Variants in GRIP1 observed in about 807,000 individuals in gnomAD.
GRIP1 encodes the protein glutamate receptor interacting protein 1, also known as glutamate receptor-interacting protein 1.
GRIP1 carries 45 observed loss-of-function variants against 129.9 expected under a neutral mutation model. The observed-to-expected ratio is 0.35, with a 90% CI of 0.27 to 0.44. The LOEUF (loss-of-function observed/expected upper bound fraction) is 0.44. Among genes scored for constraint, GRIP1 ranks in the 20% least tolerant of loss-of-function variants. GRIP1 has a pLI of 1.00. For synonymous variants in GRIP1, 530 were observed against 520.8 expected, an observed-to-expected ratio of 1.02 and a Z score of -0.24; for missense variants, 1,196 against 1,396.8, an observed-to-expected ratio of 0.86 and a Z score of 2.29.
chr12:66,546,375 A>C (rs1024667246), intron 2 of GRIP1, among the ~76,000 whole-genome samples: 1 of 151,762 alleles, frequency 6.6e-6, no homozygotes, highest in African/African-American at 2.4e-5. Context: ...CTGTAGTCCC[A>C]GCTACTCAGG....
intron 2 of GRIP1, among the ~76,000 whole-genome samples, chr12:66,542,241 CA>C (rs1374398710): frequency 6.6e-6 from 1 of 152,134 alleles, no homozygotes; most frequent in Non-Finnish European, 1.5e-5. Flanking sequence ...CTGCCATTCT[CA>C]GGTGACATTC....
intron 7 of GRIP1, among the ~76,000 whole-genome samples, chr12:66,506,602 G>C (rs2138831510): frequency 6.6e-6 from 1 of 152,246 alleles, no homozygotes. Flanking sequence ...CCTCGATGGA[G>C]AACACATAAA....
intron 1 of GRIP1, among the ~76,000 whole-genome samples, chr12:67,019,948 C>T (rs768197392): frequency 6.6e-6 from 1 of 152,120 alleles, no homozygotes. Flanking sequence ...AAGAAACAAA[C>T]ATTAACAACC....
upstream of GRIP1, chr12:67,069,177 C>T: frequency 3.3e-6 from 3 of 908,378 alleles, no homozygotes; most frequent in Non-Finnish European, 1.3e-6. Flanking sequence ...GGGCTCTCCG[C>T]GCCTCCTCGC....
chr12:66,473,604 C>G (rs963053447), intron 7 of GRIP1, among the ~76,000 whole-genome samples: 1 of 152,184 alleles, frequency 6.6e-6, no homozygotes, highest in Non-Finnish European at 1.5e-5. Flanking sequence ...CGGGTGGGTG[C>G]CCCTCTGGGA....
chr12:66,390,788 C>T (rs2056554207), intron 19 of GRIP1, among the ~76,000 whole-genome samples: 2 of 152,210 alleles, frequency 1.3e-5, no homozygotes, highest in Non-Finnish European at 2.9e-5. Context: ...AATGTGACTT[C>T]TGTCCTTTAC....
chr12:66,949,754 C>A (rs1221321425), intron 1 of GRIP1, among the ~76,000 whole-genome samples: 1 of 145,710 alleles, frequency 6.9e-6, no homozygotes, highest in South Asian at 2.2e-4. Context: ...ACACTGCATG[C>A]TCCTCCTTTT....
chr12:66,397,823 T>A (rs1362613981), intron 16 of GRIP1, among the ~76,000 whole-genome samples: 1 of 152,244 alleles, frequency 6.6e-6, no homozygotes, highest in African/African-American at 2.4e-5. Context: ...CACTGGATGA[T>A]GCATGGTGAT....
At chr12:66,773,488 A>C (rs2037884322) in intron 1 of GRIP1, among the ~76,000 whole-genome samples, 1 of 152,176 alleles carries the variant, frequency 6.6e-6, no homozygotes, top group Non-Finnish European at 1.5e-5. Flanking sequence ...GTTCTTGCTC[A>C]TAAGTGGGAG....
intron 1 of GRIP1, among the ~76,000 whole-genome samples, chr12:66,935,162 A>G (rs1325874787): frequency 2.0e-5 from 3 of 152,208 alleles, no homozygotes; most frequent in Non-Finnish European, 4.4e-5. Context: ...ATTAGTTGCT[A>G]TATTCCTATC....
chr12:66,715,662 A>G (rs1024494896), intron 1 of GRIP1, among the ~76,000 whole-genome samples: 9 of 151,992 alleles, frequency 5.9e-5, no homozygotes, highest in African/African-American at 2.2e-4. Context: ...CTTCACCTAC[A>G]CCTAAGACTG....
At chr12:66,769,507 C>T (rs923762657) in intron 1 of GRIP1, among the ~76,000 whole-genome samples, 1 of 152,062 alleles carries the variant, frequency 6.6e-6, no homozygotes, top group Non-Finnish European at 1.5e-5. Flanking sequence ...TGAGAAACAG[C>T]GAATTCCCTG....
intron 1 of GRIP1, among the ~76,000 whole-genome samples, chr12:66,956,572 G>A (rs939575239): frequency 4.6e-5 from 7 of 152,198 alleles, no homozygotes; most frequent in African/African-American, 1.7e-4. Flanking sequence ...GCATATAAAT[G>A]AGTGTAGAAA....
intron 1 of GRIP1, among the ~76,000 whole-genome samples, chr12:66,929,164 A>G (rs929573678): frequency 6.6e-6 from 1 of 152,214 alleles, no homozygotes; most frequent in African/African-American, 2.4e-5. Flanking sequence ...CTCTAACCAC[A>G]TATGTGAGGC....
chr12:66,933,017 T>G (rs1470549006), intron 1 of GRIP1, among the ~76,000 whole-genome samples: 2 of 152,216 alleles, frequency 1.3e-5, no homozygotes, highest in African/African-American at 2.4e-5. Context: ...ATGATATTGT[T>G]CCTATAGGTA....
At chr12:66,811,995 A>G (rs11176431) in intron 1 of GRIP1, among the ~76,000 whole-genome samples, 25,527 of 152,030 alleles carry the variant, frequency 0.17, 2,418 homozygotes, top group East Asian at 0.44. Context: ...TTGGCCCCCA[A>G]TCCTAGCTAT....
At chr12:66,430,050 G>A (rs2137940274) in intron 14 of GRIP1, among the ~76,000 whole-genome samples, 2 of 152,228 alleles carry the variant, frequency 1.3e-5, no homozygotes, top group Middle Eastern at 3.4e-3. Context: ...CTCATTTCTT[G>A]GAGTACATAG....
intron 4 of GRIP1, among the ~76,000 whole-genome samples, chr12:66,538,496 C>G (rs2139188955): frequency 6.6e-6 from 1 of 151,888 alleles, no homozygotes; most frequent in Middle Eastern, 3.5e-3. Context: ...ATGCCTAGCC[C>G]TTGCAGTACT....
chr12:66,629,828 G>A (rs1355327515), intron 1 of GRIP1, among the ~76,000 whole-genome samples: 1 of 152,100 alleles, frequency 6.6e-6, no homozygotes, highest in African/African-American at 2.4e-5. Context: ...GAAATTTTGT[G>A]TGAGAAAATA....
Sources: gnomAD v4.1 joint callset for allele counts (sites outside exome capture counted in the v4.1 genomes callset) on GRCh38, gnomAD v4.1.1 for gene constraint, MANE v1.5 for transcripts, NCBI Gene and HGNC (gene_info 2026-07-23, HGNC 2026-07-21) for gene names.